DLGAP2: variants seen among roughly 807,000 people sequenced by gnomAD.
The protein encoded by DLGAP2 is DLG associated protein 2.
A neutral mutation model predicts 100.3 loss-of-function variants in DLGAP2; 26 were observed. That is an observed-to-expected ratio of 0.26 (90% CI 0.19 to 0.36). The LOEUF is 0.36. DLGAP2 is among the 10% of genes least tolerant of loss of function. DLGAP2 has a pLI of 1.00. For synonymous variants in DLGAP2, 886 were observed against 630.1 expected (o/e 1.41, Z -6.08); for missense variants, 1,858 against 1,453.2 (o/e 1.28, Z -4.53).
chr8:1,698,512 A>G (rs113057786), intron 14 of DLGAP2, among the ~76,000 whole-genome samples: 24,495 of 111,590 alleles, frequency 0.22, 2,159 homozygotes, highest in Admixed American at 0.29. Flanking sequence ...CGTAAGCCAC[A>G]CATGGGACAG....
chr8:1,212,919 T>C (rs1439292718), intron 2 of DLGAP2, among the ~76,000 whole-genome samples: 2 of 152,104 alleles, frequency 1.3e-5, no homozygotes, highest in Non-Finnish European at 2.9e-5. Flanking sequence ...TTGGAAAATT[T>C]TAGTGCTCTT....
intron 3 of DLGAP2, among the ~76,000 whole-genome samples, chr8:1,263,225 A>T (rs1799386754): frequency 6.6e-6 from 1 of 152,192 alleles, no homozygotes; most frequent in South Asian, 2.1e-4. Flanking sequence ...AGAAATATAT[A>T]TTGGATTATT....
intron 3 of DLGAP2, among the ~76,000 whole-genome samples, chr8:1,365,093 A>G (rs1341515932): frequency 1.3e-5 from 2 of 152,220 alleles, no homozygotes; most frequent in Non-Finnish European, 2.9e-5. Context: ...ACACGTTTTT[A>G]TAAAGTAGAT....
chr8:915,413 G>A (rs560220571), intron 2 of DLGAP2, among the ~76,000 whole-genome samples: 3 of 152,274 alleles, frequency 2.0e-5, no homozygotes, highest in African/African-American at 7.2e-5. Context: ...TGGGCGTGGT[G>A]GCTGGCACCT....
chr8:1,087,553 C>CTTT (rs34152210), intron 2 of DLGAP2, among the ~76,000 whole-genome samples: 4 of 146,538 alleles, frequency 2.7e-5, no homozygotes, highest in Non-Finnish European at 3.0e-5. Context: ...CTCTCTCTCT[C>CTTT]TTTTTTTTTT....
chr8:1,529,565 G>T (rs991628883), intron 4 of DLGAP2, among the ~76,000 whole-genome samples: 1 of 152,162 alleles, frequency 6.6e-6, no homozygotes, highest in African/African-American at 2.4e-5. Context: ...CCCAAAGAGA[G>T]TGAGTCACCA....
Position 1,000,788 on chromosome 8 carries a change from G to A in DLGAP2, c.73+92822G>A, listed in dbSNP as rs1800933048. 2.0e-5 allele frequency among the ~76,000 whole-genome samples: 3 copies of A among 152,156 alleles called. No homozygotes were observed. The South Asian group carries it at 6.2e-4, about 32-fold the overall frequency. On this transcript the variant is annotated intron_variant, in intron 2 of 14. Coordinates refer to ENST00000637795, the MANE Select transcript of DLGAP2 (RefSeq NM_001346810.2). The stretch of plus-strand genomic sequence containing the variant: ...TGAGGAGGGTGACGGTGTGGAGGTG[G>A]CTCCTCAAGACTCCAAGCAGCCTCT...
chr8:1,475,486 C>G (rs1043546801), intron 3 of DLGAP2, among the ~76,000 whole-genome samples: 2 of 152,152 alleles, frequency 1.3e-5, no homozygotes, highest in Non-Finnish European at 2.9e-5. Flanking sequence ...ACTCCGCACC[C>G]CAGCGTTTTG....
rs191971976 is a variant in DLGAP2, at chr8:813,237, C to G, written c.18+75412C>G. Among the ~76,000 whole-genome samples, 3 of 150,850 alleles carry G rather than the reference C, an allele frequency of 2.0e-5. No homozygotes were observed. The East Asian group carries it at 5.9e-4, about 29-fold the overall frequency. On this transcript the variant is annotated intron_variant, in intron 1 of 14. Coordinates refer to ENST00000637795, the MANE Select transcript of DLGAP2 (RefSeq NM_001346810.2). ...CAGTTTCTGTTATCTCGTGGATATC[C>G]TAGTGGTTTATATTTCCTTTTCAAA...
chr8:1,188,959 G>C (rs1585135092), intron 2 of DLGAP2, among the ~76,000 whole-genome samples: 2 of 152,066 alleles, frequency 1.3e-5, no homozygotes, highest in Admixed American at 6.5e-5. Context: ...GGTTGGGGTT[G>C]ACCGTACACA....
chr8:1,301,321 T>G (rs1012678548), intron 3 of DLGAP2: 1 of 152,294 alleles, frequency 6.6e-6, no homozygotes, highest in African/African-American at 2.4e-5. Context: ...GAGAGGCCTC[T>G]GCCTGGGCAT....
At chr8:916,937 C>T (rs1197179782) in intron 2 of DLGAP2, among the ~76,000 whole-genome samples, 1 of 152,204 alleles carries the variant, frequency 6.6e-6, no homozygotes, top group Non-Finnish European at 1.5e-5. Context: ...GGCTCAGCCT[C>T]TTGTGGGGAC....
At chr8:1,537,914 C>T (rs1441201925) in intron 4 of DLGAP2, among the ~76,000 whole-genome samples, 1 of 152,316 alleles carries the variant, frequency 6.6e-6, no homozygotes, top group South Asian at 2.1e-4. Context: ...GAGAAGAAAG[C>T]TCTTACAATG....
intron 2 of DLGAP2, among the ~76,000 whole-genome samples, chr8:994,694 A>G (rs1325930148): frequency 6.6e-6 from 1 of 152,152 alleles, no homozygotes; most frequent in Non-Finnish European, 1.5e-5. Flanking sequence ...TCTGTAGGAG[A>G]TGGCGTGATC....
At chr8:1,320,063 A>G (rs1297753164) in intron 3 of DLGAP2, among the ~76,000 whole-genome samples, 1 of 151,914 alleles carries the variant, frequency 6.6e-6, no homozygotes, top group Admixed American at 6.6e-5. Context: ...GAGTTGAGGA[A>G]CTCGGGAGTG....
intron 1 of DLGAP2, among the ~76,000 whole-genome samples, chr8:841,808 T>A (rs1399721755): frequency 1.3e-5 from 2 of 152,202 alleles, no homozygotes; most frequent in Admixed American, 1.3e-4. Context: ...AATTTGAACT[T>A]AGGAATTTGG....
chr8:1,639,846 T>C (rs1051250280), intron 8 of DLGAP2, among the ~76,000 whole-genome samples: 4 of 152,226 alleles, frequency 2.6e-5, no homozygotes, highest in Admixed American at 2.6e-4. Context: ...CCTCCTCGTC[T>C]GACTCTGACC....
chr8:1,384,549 T>G (rs1194467012), intron 3 of DLGAP2, among the ~76,000 whole-genome samples: 19 of 137,876 alleles, frequency 1.4e-4, no homozygotes, highest in African/African-American at 5.3e-4. Context: ...CCCCGGCCTG[T>G]GCCCGGCCCC....
chr8:1,245,913 C>T (rs983119918), intron 2 of DLGAP2, among the ~76,000 whole-genome samples: 1 of 152,140 alleles, frequency 6.6e-6, no homozygotes, highest in African/African-American at 2.4e-5. Flanking sequence ...AGTATGACCG[C>T]CGTGGGGAGG....
Sources: gnomAD v4.1 joint callset for allele counts (sites outside exome capture counted in the v4.1 genomes callset) on GRCh38, gnomAD v4.1.1 for gene constraint, MANE v1.5 for transcripts, NCBI Gene and HGNC (gene_info 2026-07-23, HGNC 2026-07-21) for gene names.